The following CPEB3 variants were observed in gnomAD, a reference collection of about 807,000 sequenced individuals.
CPEB3 encodes the protein cytoplasmic polyadenylation element-binding protein 3.
In CPEB3, 20 loss-of-function variants were observed where a neutral mutation model predicts 67.2. The observed-to-expected ratio is 0.30, with a 90% CI of 0.21 to 0.43. CPEB3 has a LOEUF of 0.43. CPEB3 is among the 20% of genes least tolerant of loss of function. CPEB3 has a pLI of 1.00. For missense variants in CPEB3, 746 were observed against 968.6 expected (o/e 0.77, Z 3.05); for synonymous variants, 376 against 393.1 (o/e 0.96, Z 0.51).
chr10:92,053,801 A>G (rs558955364), intron 9 of CPEB3, among the ~76,000 whole-genome samples: 8 of 152,088 alleles, frequency 5.3e-5, no homozygotes, highest in Middle Eastern at 6.8e-3. Context: ...TCGGCCTCCC[A>G]AAGTGCTGGG....
chr10:92,281,920 T>C (rs573431103), intron 1 of CPEB3, among the ~76,000 whole-genome samples: 1 of 152,342 alleles, frequency 6.6e-6, no homozygotes, highest in East Asian at 1.9e-4. Flanking sequence ...AATAATGTTT[T>C]ACTACTATTA....
intron 6 of CPEB3, among the ~76,000 whole-genome samples, chr10:92,140,051 AAC>A (rs1349863339): frequency 1.4e-5 from 2 of 145,744 alleles, no homozygotes; most frequent in Admixed American, 7.0e-5. Flanking sequence ...CAGCCTGGGC[AAC>A]AGAGTGAGAC....
At chr10:92,280,023 AAGAG>A (rs1358009006) in intron 1 of CPEB3, among the ~76,000 whole-genome samples, 4 of 151,776 alleles carry the variant, frequency 2.6e-5, no homozygotes, top group African/African-American at 9.7e-5. Context: ...AAAAGAAAGA[AAGAG>A]AGAAAGAGAG....
At chr10:92,110,977 A>C (rs1844710395) in intron 7 of CPEB3, 99 bp downstream of exon 7, 2 of 906,598 alleles carry the variant, frequency 2.2e-6, no homozygotes, top group Admixed American at 3.4e-5. Context: ...GGGTAAGAGG[A>C]TCCTAGTTAC....
rs759091603 is a variant in CPEB3 at position 92,052,459 on chromosome 10, A to G, written c.1870-20T>C. The G allele has an allele frequency of 6.3e-7, 1 of 1,592,454 alleles. No homozygotes were observed. Among genetic ancestry groups the G allele is most frequent in the Admixed American group, 1.7e-5 (1 of 59,658 alleles). The stretch of plus-strand genomic sequence containing the variant: ...TTCAACCTGGACCCAAAGAGGAAAG[A>G]CAGAGAAAAATGATTTAGCAAAGCT... On this transcript the variant is annotated intron_variant, in intron 9 of 9. Coordinates refer to ENST00000265997, the MANE Select transcript of CPEB3 (RefSeq NM_014912.5).
At chr10:92,217,732 A>T (rs1850499747) in intron 2 of CPEB3, among the ~76,000 whole-genome samples, 1 of 152,264 alleles carries the variant, frequency 6.6e-6, no homozygotes, top group African/African-American at 2.4e-5. Context: ...ATTGCACTCC[A>T]GCCTGGGCAA....
chr10:92,072,360 G>GA (rs145539055), intron 9 of CPEB3, among the ~76,000 whole-genome samples: 34 of 146,944 alleles, frequency 2.3e-4, no homozygotes, highest in East Asian at 7.9e-4. Flanking sequence ...ACTTTAAAAG[G>GA]AAAAAAAAAA....
At chr10:92,184,300 A>G (rs929688668) in intron 3 of CPEB3, among the ~76,000 whole-genome samples, 1 of 152,186 alleles carries the variant, frequency 6.6e-6, no homozygotes, top group African/African-American at 2.4e-5. Context: ...AGTGAGCAAC[A>G]AAAGATTTTA....
intron 1 of CPEB3, among the ~76,000 whole-genome samples, chr10:92,249,439 A>T (rs796187504): frequency 7.2e-5 from 11 of 151,942 alleles, no homozygotes; most frequent in Admixed American, 7.2e-4. Flanking sequence ...CTTGATAATT[A>T]TAATAAATTA....
intron 1 of CPEB3, among the ~76,000 whole-genome samples, chr10:92,259,583 A>T (rs533328861): frequency 1.5e-5 from 2 of 136,514 alleles, no homozygotes; most frequent in South Asian, 4.4e-4. Context: ...CCTGGGAAAC[A>T]AGAGCAAAAT....
intron 6 of CPEB3, among the ~76,000 whole-genome samples, chr10:92,134,718 C>A (rs2133752096): frequency 6.6e-6 from 1 of 151,958 alleles, no homozygotes; most frequent in Non-Finnish European, 1.5e-5. Flanking sequence ...CAATTCTAGG[C>A]AACAAGAACA....
intron 1 of CPEB3, among the ~76,000 whole-genome samples, chr10:92,245,350 C>T (rs1377669676): frequency 6.6e-6 from 1 of 151,784 alleles, no homozygotes; most frequent in Non-Finnish European, 1.5e-5. Context: ...AGTGGTCAGG[C>T]TGGTCTCAAA....
chr10:92,255,903 T>C (rs1852494445), intron 1 of CPEB3, among the ~76,000 whole-genome samples: 1 of 152,236 alleles, frequency 6.6e-6, no homozygotes, highest in African/African-American at 2.4e-5. Context: ...ATCAATGTTA[T>C]ATTCATAAAG....
intron 2 of CPEB3, among the ~76,000 whole-genome samples, chr10:92,193,275 T>C (rs1849069073): frequency 6.6e-6 from 1 of 152,088 alleles, no homozygotes; most frequent in Non-Finnish European, 1.5e-5. Flanking sequence ...ATTAATTAAA[T>C]TGCATCATTT....
At chr10:92,094,842 G>C (rs1040571764) in intron 7 of CPEB3, among the ~76,000 whole-genome samples, 5 of 144,356 alleles carry the variant, frequency 3.5e-5, no homozygotes, top group South Asian at 2.2e-4. Context: ...CACACACACA[G>C]AGATGTATCT....
In CPEB3 at chr10:92,117,744, G is replaced by GT. The variant is rs140221479; in HGVS notation, c.1454-6551dup. Among the ~76,000 whole-genome samples the GT allele has an allele frequency of 5.7e-4, 85 of 150,004 alleles. 1 individual carries two copies. The highest frequency in any genetic ancestry group is 3.4e-3 in the Middle Eastern group (1 of 290). ...ATCTCTTAAATACATAATTTTTCAT[G>GT]TTTTTTTTTTAATATTTGATACCTA... On this transcript the variant is annotated intron_variant, in intron 6 of 9. Coordinates refer to ENST00000265997, the MANE Select transcript of CPEB3 (RefSeq NM_014912.5).
chr10:92,237,423 C>A (rs1038135908), intron 2 of CPEB3, among the ~76,000 whole-genome samples: 1 of 152,176 alleles, frequency 6.6e-6, no homozygotes, highest in African/African-American at 2.4e-5. Context: ...GTCCATTTGG[C>A]TCTTATTAGC....
Position 92,143,018 on chromosome 10 carries a change from A to C in CPEB3, c.1453+11T>G, listed in dbSNP as rs375696129. ...AACAGGCAAGCAGTGGAAACATTTT[A>C]AGAGCATTACCTTTAGGAGGAAAAT... On this transcript the variant is annotated intron_variant, in intron 6 of 9. Transcript: ENST00000265997. 2.3e-5 allele frequency: 36 copies of C among 1,598,462 alleles called. No homozygotes were observed. The Admixed American group carries it at 3.3e-4, about 15-fold the overall frequency.
intron 4 of CPEB3, among the ~76,000 whole-genome samples, chr10:92,171,925 A>G (rs937327039): frequency 6.6e-6 from 1 of 152,090 alleles, no homozygotes; most frequent in Admixed American, 6.6e-5. Context: ...CTTGGTGTAT[A>G]TTTCTTGCCA....
Sources: gnomAD v4.1 joint callset for allele counts (sites outside exome capture counted in the v4.1 genomes callset) on GRCh38, gnomAD v4.1.1 for gene constraint, MANE v1.5 for transcripts, NCBI Gene and HGNC (gene_info 2026-07-23, HGNC 2026-07-21) for gene names.